The following NDRG3 variants were observed in gnomAD, a reference collection of about 807,000 sequenced individuals.
NDRG3 encodes the protein NDRG family member 3.
In NDRG3, 23 loss-of-function variants were observed where a neutral mutation model predicts 57.2. The observed-to-expected ratio is 0.40, with a 90% CI of 0.29 to 0.57. NDRG3 has a LOEUF of 0.57. Among genes scored for constraint, NDRG3 ranks in the 20% least tolerant of loss-of-function variants. The pLI is 0.42. For missense variants in NDRG3, 384 were observed against 457.3 expected, an observed-to-expected ratio of 0.84 and a Z score of 1.46; for synonymous variants, 132 against 162.6, an observed-to-expected ratio of 0.81 and a Z score of 1.43.
At chr20:36,720,566 A>C (rs563564999) in intron 2 of NDRG3, among the ~76,000 whole-genome samples, 5 of 152,146 alleles carry the variant, frequency 3.3e-5, no homozygotes, top group African/African-American at 1.2e-4. Flanking sequence ...TGACACTAAC[A>C]TAAAAATGTG....
intron 8 of NDRG3, among the ~76,000 whole-genome samples, chr20:36,680,448 G>A (rs1981166139): frequency 6.7e-6 from 1 of 149,192 alleles, no homozygotes; most frequent in African/African-American, 2.5e-5. Context: ...TCATGCCACT[G>A]CACTCCAGCC....
At chr20:36,684,960 G>A (rs916759598) in intron 5 of NDRG3, among the ~76,000 whole-genome samples, 1 of 152,120 alleles carries the variant, frequency 6.6e-6, no homozygotes, top group Non-Finnish European at 1.5e-5. Flanking sequence ...CTCTACAACT[G>A]CCATGCTAAG....
intron 1 of NDRG3, among the ~76,000 whole-genome samples, chr20:36,728,284 C>G (rs1026431745): frequency 6.6e-6 from 1 of 152,106 alleles, no homozygotes; most frequent in African/African-American, 2.4e-5. Context: ...GATCTCCTGA[C>G]CTCGTGATCT....
chr20:36,654,233 C>A (rs777294499), intron 15 of NDRG3, among the ~76,000 whole-genome samples: 1 of 152,168 alleles, frequency 6.6e-6, no homozygotes, highest in African/African-American at 2.4e-5. Flanking sequence ...CTGACCTCAA[C>A]ACAGGGATGA....
chr20:36,664,932 T>C, intron 12 of NDRG3, 114 bp downstream of exon 12: 2 of 1,062,186 alleles, frequency 1.9e-6, no homozygotes, highest in Non-Finnish European at 1.5e-6. Context: ...CAAGCGATCC[T>C]CCTGCCTCAG....
intron 2 of NDRG3, among the ~76,000 whole-genome samples, chr20:36,717,684 T>A (rs1264783125): frequency 6.6e-6 from 1 of 152,156 alleles, no homozygotes; most frequent in African/African-American, 2.4e-5. Context: ...ACTTGGCACA[T>A]AAGAGATAAT....
At chr20:36,709,485 C>T (rs1983745531) in intron 2 of NDRG3, among the ~76,000 whole-genome samples, 1 of 152,100 alleles carries the variant, frequency 6.6e-6, no homozygotes, top group African/African-American at 2.4e-5. Context: ...TAACACGAAA[C>T]CGAATTCACA....
intron 3 of NDRG3, among the ~76,000 whole-genome samples, chr20:36,700,940 A>T (rs1983184018): frequency 6.6e-6 from 1 of 151,834 alleles, no homozygotes; most frequent in South Asian, 2.1e-4. Flanking sequence ...TACCCAGCTA[A>T]TTTTTAAATT....
chr20:36,655,873 C>T (rs547512678), intron 15 of NDRG3, among the ~76,000 whole-genome samples: 30 of 152,172 alleles, frequency 2.0e-4, no homozygotes, highest in African/African-American at 3.1e-4. Context: ...CGGTAGCTCA[C>T]GCATGTAATC....
chr20:36,710,704 G>A (rs1199241124), intron 2 of NDRG3, among the ~76,000 whole-genome samples: 1 of 152,090 alleles, frequency 6.6e-6, no homozygotes, highest in African/African-American at 2.4e-5. Flanking sequence ...CTACTCGGGA[G>A]GCTGAGGCAG....
At chr20:36,688,866 A>C (rs748234664) in intron 3 of NDRG3, 82 bp from the exon 4 acceptor site, 1 of 940,818 alleles carries the variant, frequency 1.1e-6, no homozygotes, top group Non-Finnish European at 1.8e-6. Context: ...CTGCTTTACC[A>C]CCGTTTCCCA....
At chr20:36,737,660 C>A (rs1985676093) in intron 1 of NDRG3, among the ~76,000 whole-genome samples, 1 of 152,150 alleles carries the variant, frequency 6.6e-6, no homozygotes, top group Admixed American at 6.6e-5. Flanking sequence ...GGATTTGAAC[C>A]TGAGCAATCT....
chr20:36,674,187 T>C (rs570988885), intron 8 of NDRG3, among the ~76,000 whole-genome samples: 1 of 152,260 alleles, frequency 6.6e-6, no homozygotes, highest in South Asian at 2.1e-4. Flanking sequence ...AAATTTATTA[T>C]CCATCTCTTT....
At chr20:36,739,902 T>A (rs1985836711) in intron 1 of NDRG3, among the ~76,000 whole-genome samples, 1 of 107,862 alleles carries the variant, frequency 9.3e-6, no homozygotes, top group Non-Finnish European at 1.7e-5. Context: ...AGAGCGAGAC[T>A]CCGTCTCAAA....
Position 36,653,665 on chromosome 20 carries a change from C to T in NDRG3, c.983G>A (p.Arg328Gln), listed in dbSNP as rs1182325536. The T allele has an allele frequency of 1.2e-5, 19 of 1,613,732 alleles. No homozygotes were observed. Among genetic ancestry groups the T allele is most frequent in the Non-Finnish European group, 1.5e-5 (18 of 1,180,030 alleles). The change falls in exon 16 of 16, where the codon CGA (arginine) becomes CAA (glutamine). Residue 328 changes from arginine (R) to glutamine (Q), a missense_variant. Coordinates refer to ENST00000349004, the MANE Select transcript of NDRG3 (RefSeq NM_032013.4). The surrounding 1 kb of genome is among the most constrained non-coding windows in gnomAD (Gnocchi z 4.2). Reference protein sequence around the residue: ...SASMTRLARSRTHSTSSSLGS... With the variant: ...SASMTRLARSQTHSTSSSLGS... ...GAGGCTACTCGAGGTTGAGTGGGTTCGTGATCGGGCGAGCCGAGTCATGCT... is the reference window on the plus strand; with the variant it reads ...GAGGCTACTCGAGGTTGAGTGGGTTTGTGATCGGGCGAGCCGAGTCATGCT...
At chr20:36,710,744 C>T (rs905697044) in intron 2 of NDRG3, among the ~76,000 whole-genome samples, 2 of 147,192 alleles carry the variant, frequency 1.4e-5, no homozygotes, top group Non-Finnish European at 3.0e-5. Flanking sequence ...ACCCGGGTGG[C>T]GGAGGTTGCA....
chr20:36,686,988 A>G (rs1470755045), intron 5 of NDRG3, among the ~76,000 whole-genome samples: 2 of 151,942 alleles, frequency 1.3e-5, no homozygotes, highest in African/African-American at 2.4e-5. Flanking sequence ...CCAAGCAGAC[A>G]CGACCACAGG....
chr20:36,695,942 C>T (rs939908673), intron 3 of NDRG3, among the ~76,000 whole-genome samples: 4 of 152,112 alleles, frequency 2.6e-5, no homozygotes, highest in African/African-American at 9.7e-5. Flanking sequence ...TGGAACCTGC[C>T]GACATGTGAT....
At chr20:36,660,564 A>ATTT (rs200205594) in intron 12 of NDRG3, among the ~76,000 whole-genome samples, 180 bp from the exon 13 acceptor site, 3 of 148,196 alleles carry the variant, frequency 2.0e-5, no homozygotes, top group African/African-American at 5.1e-5. Context: ...TTATTTATTT[A>ATTT]TTTATTTTTT....
Sources: allele counts gnomAD v4.1 joint callset (sites outside exome capture counted in the v4.1 genomes callset), GRCh38; gene constraint gnomAD v4.1.1; non-coding constraint Gnocchi (gnomAD v3.1); transcripts MANE v1.5; gene names NCBI Gene and HGNC (gene_info 2026-07-23, HGNC 2026-07-21).